Variants in NOX3 observed in about 807,000 individuals in gnomAD.
NOX3 encodes NADPH oxidase catalytic subunit-like 3.
A neutral mutation model predicts 76.7 loss-of-function variants in NOX3; 74 were observed. That is an observed-to-expected ratio of 0.96 (90% CI 0.80 to 1.17). The LOEUF (loss-of-function observed/expected upper bound fraction) is 1.17. NOX3 is among the 50% of genes most tolerant of loss of function. The pLI is 0.00. For missense variants in NOX3, 695 were observed against 703.3 expected (o/e 0.99, Z 0.13); for synonymous variants, 263 against 261.1 (o/e 1.01, Z -0.07).
chr6:155,434,709 C>A (rs1209927933), intron 7 of NOX3, among the ~76,000 whole-genome samples: 2 of 152,150 alleles, frequency 1.3e-5, no homozygotes, highest in African/African-American at 2.4e-5. Context: ...GGGCATCACA[C>A]ACTTCATTTT....
At position 155,411,176 on chromosome 6, in the gene NOX3, T is replaced by C. The variant is rs115370653; in HGVS notation, c.1455+38A>G. 5.5e-4 allele frequency: 877 copies of C among 1,590,280 alleles called. 3 individuals carry two copies. The African/African-American group carries it at 0.01, about 18-fold the overall frequency. ...TTGTTCCTCATTGCTATTAGATGAG[T>C]TCAGCAATATTGCTTATTCTCAGAG... On this transcript the variant is annotated intron_variant, in intron 11 of 13. Coordinates refer to ENST00000159060, the MANE Select transcript of NOX3 (RefSeq NM_015718.3).
At chr6:155,437,333 A>T (rs998248777) in intron 6 of NOX3, among the ~76,000 whole-genome samples, 1 of 152,156 alleles carries the variant, frequency 6.6e-6, no homozygotes, top group Non-Finnish European at 1.5e-5. Context: ...GGTGTTTGTG[A>T]ATGAAATGCA....
intron 7 of NOX3, among the ~76,000 whole-genome samples, chr6:155,431,310 C>T (rs1352623199): frequency 6.6e-6 from 1 of 152,092 alleles, no homozygotes; most frequent in Admixed American, 6.6e-5. Flanking sequence ...CTACATTACT[C>T]ACCCAACACA....
intron 11 of NOX3, 118 bp downstream of exon 11, chr6:155,411,096 A>G: frequency 1.3e-6 from 1 of 744,416 alleles, no homozygotes; most frequent in South Asian, 3.3e-5. Context: ...CCCTTTTAAG[A>G]ACATAAAAAT....
chr6:155,439,840 C>G, intron 6 of NOX3, 116 bp downstream of exon 6: 1 of 796,974 alleles, frequency 1.3e-6, no homozygotes, highest in Non-Finnish European at 1.9e-6. Context: ...GCTTTTCACA[C>G]ATTATACGAG....
chr6:155,424,413 G>A (rs753485504), intron 9 of NOX3, among the ~76,000 whole-genome samples: 3 of 152,198 alleles, frequency 2.0e-5, no homozygotes, highest in Non-Finnish European at 4.4e-5. Context: ...TCAGCAGAAT[G>A]TATTAAATAA....
chr6:155,411,609 C>G (rs1776553277), intron 10 of NOX3, among the ~76,000 whole-genome samples: 1 of 152,198 alleles, frequency 6.6e-6, no homozygotes, highest in Admixed American at 6.5e-5. Flanking sequence ...GCCAGTTTCT[C>G]TGGATGAGGA....
chr6:155,445,297 A>G (rs1448495229), intron 4 of NOX3, among the ~76,000 whole-genome samples: 1 of 152,188 alleles, frequency 6.6e-6, no homozygotes, highest in Non-Finnish European at 1.5e-5. Flanking sequence ...AGCAGGGCCT[A>G]TGACTATCAT....
chr6:155,428,724 A>G, intron 9 of NOX3, 70 bp downstream of exon 9: 2 of 1,348,538 alleles, frequency 1.5e-6, no homozygotes, highest in Non-Finnish European at 2.0e-6. Context: ...ATCAGGTAGC[A>G]TGTTGATACA....
intron 4 of NOX3, among the ~76,000 whole-genome samples, chr6:155,444,514 G>A (rs1436188583): frequency 6.6e-6 from 1 of 152,152 alleles, no homozygotes; most frequent in African/African-American, 2.4e-5. Flanking sequence ...CTTCCTTTAA[G>A]TGAAAAGGTG....
At chr6:155,445,213 G>T (rs191119626) in intron 4 of NOX3, among the ~76,000 whole-genome samples, 63 of 152,322 alleles carry the variant, frequency 4.1e-4, no homozygotes, top group African/African-American at 1.5e-3. Flanking sequence ...TGTGTGAAAT[G>T]AGAATTCATT....
At chr6:155,450,494 C>T (rs1777119559) in intron 4 of NOX3, among the ~76,000 whole-genome samples, 1 of 152,194 alleles carries the variant, frequency 6.6e-6, no homozygotes, top group South Asian at 2.1e-4. Flanking sequence ...TTCTTGAGGA[C>T]CTCCTGTGCG....
At chr6:155,451,207 G>A (rs1014425631) in intron 4 of NOX3, among the ~76,000 whole-genome samples, 1 of 152,106 alleles carries the variant, frequency 6.6e-6, no homozygotes, top group Admixed American at 6.5e-5. Context: ...TCCAACTCCT[G>A]ATCTCAGGTA....
At chr6:155,435,579 T>C (rs1046505867) in intron 7 of NOX3, among the ~76,000 whole-genome samples, 3 of 152,220 alleles carry the variant, frequency 2.0e-5, no homozygotes, top group African/African-American at 7.2e-5. Context: ...ATGACTTAAT[T>C]TCCTAAATCT....
chr6:155,450,236 C>T (rs1777116686), intron 4 of NOX3, among the ~76,000 whole-genome samples: 1 of 152,118 alleles, frequency 6.6e-6, no homozygotes, highest in African/African-American at 2.4e-5. Context: ...TTGATTGTCT[C>T]CAGGGATGTG....
chr6:155,453,166 C>T (rs77767453), intron 4 of NOX3, among the ~76,000 whole-genome samples: 19 of 152,216 alleles, frequency 1.2e-4, no homozygotes, highest in Middle Eastern at 3.4e-3. Context: ...CTTAACTATT[C>T]GCAAATGAAG....
chr6:155,431,382 CA>C (rs1776830127), intron 7 of NOX3, among the ~76,000 whole-genome samples: 1 of 150,426 alleles, frequency 6.6e-6, no homozygotes, highest in Non-Finnish European at 1.5e-5. Context: ...GAATGCATCA[CA>C]ACTACAGGGT....
At chr6:155,440,245 T>C (rs773582145) in intron 5 of NOX3, 108 bp from the exon 6 acceptor site, 3 of 840,870 alleles carry the variant, frequency 3.6e-6, no homozygotes, top group Non-Finnish European at 5.3e-6. Flanking sequence ...GTACTTGAGA[T>C]TTCAAGCAGG....
At chr6:155,415,280 T>C (rs1341345716) in intron 10 of NOX3, among the ~76,000 whole-genome samples, 1 of 152,214 alleles carries the variant, frequency 6.6e-6, no homozygotes, top group Non-Finnish European at 1.5e-5. Flanking sequence ...AGAAAATGAA[T>C]TGAGAAGCAC....
Sources: gnomAD v4.1 joint callset for allele counts (sites outside exome capture counted in the v4.1 genomes callset) on GRCh38, gnomAD v4.1.1 for gene constraint, MANE v1.5 for transcripts, NCBI Gene and HGNC (gene_info 2026-07-23, HGNC 2026-07-21) for gene names.